EFHC2: variants seen among roughly 807,000 people sequenced by gnomAD.
EFHC2 encodes the protein EF-hand domain-containing family member C2.
A neutral mutation model predicts 52.7 loss-of-function variants in EFHC2; 18 were observed. The observed-to-expected ratio is 0.34, with a 90% CI of 0.24 to 0.51. The LOEUF is 0.51. EFHC2 is among the 20% of genes least tolerant of loss of function. The pLI, the probability that EFHC2 is intolerant of heterozygous loss-of-function variation, is 0.97. For missense variants in EFHC2, 513 were observed against 562.5 expected, an observed-to-expected ratio of 0.91 and a Z score of 0.89; for synonymous variants, 203 against 204.1, an observed-to-expected ratio of 0.99 and a Z score of 0.04.
At chrX:44,179,413 G>A (rs1203010447) in intron 11 of EFHC2, among the ~76,000 whole-genome samples, 1 of 111,898 alleles carries the variant, frequency 8.9e-6, no homozygotes, top group Non-Finnish European at 1.9e-5. Context: ...GAATAAACAA[G>A]GGAATAGAAA....
intron 10 of EFHC2, among the ~76,000 whole-genome samples, chrX:44,231,927 C>T (rs891120618): frequency 1.3e-4 from 15 of 111,554 alleles, no homozygotes; most frequent in African/African-American, 4.9e-4. Flanking sequence ...CAGTACCCAT[C>T]TGCCATCTTA....
chrX:44,308,825 G>A (rs2037924703), intron 2 of EFHC2, among the ~76,000 whole-genome samples: 1 of 112,767 alleles, frequency 8.9e-6, no homozygotes, highest in Non-Finnish European at 1.9e-5. Flanking sequence ...ATTGTGAATT[G>A]GCTCCCATTA....
chrX:44,266,917 A>G (rs2037582501), intron 3 of EFHC2, among the ~76,000 whole-genome samples: 1 of 111,450 alleles, frequency 9.0e-6, no homozygotes, highest in African/African-American at 3.3e-5. Flanking sequence ...GAGAAATACT[A>G]CCTTATTAAG....
chrX:44,220,644 A>G (rs1186001911), intron 11 of EFHC2, among the ~76,000 whole-genome samples: 1 of 111,937 alleles, frequency 8.9e-6, no homozygotes. Context: ...TTTTTCTGTT[A>G]TGCCTATGTG....
intron 11 of EFHC2, among the ~76,000 whole-genome samples, chrX:44,203,514 CATG>C (rs770876610): frequency 1.8e-5 from 2 of 111,193 alleles, no homozygotes; most frequent in East Asian, 5.7e-4. Context: ...TTGAGAGTGA[CATG>C]ATAAGAAAAT....
In EFHC2 at chrX:44,214,923, T is replaced by C. The variant is rs193290278; in HGVS notation, c.1751+14726A>G. On this transcript the variant is annotated intron_variant, in intron 11 of 14. Coordinates refer to ENST00000420999, the MANE Select transcript of EFHC2 (RefSeq NM_025184.4). ...TCTGAAACTGAACTTATGATGTGGT[T>C]TGGTTCTGTGTCCCCACCCAAATCT... Among the ~76,000 whole-genome samples the C allele has an allele frequency of 1.5e-4, 17 of 111,584 alleles. 1 individual carries two copies. Among genetic ancestry groups the C allele is most frequent in the Admixed American group, 1.5e-3 (16 of 10,570 alleles).
chrX:44,338,523 G>A (rs2038130769), intron 1 of EFHC2, among the ~76,000 whole-genome samples: 1 of 108,670 alleles, frequency 9.2e-6, no homozygotes, highest in Non-Finnish European at 1.9e-5. Context: ...AAAAAAAAAA[G>A]ATGGAGATGG....
At chrX:44,313,109 A>AAG (rs772813566) in intron 1 of EFHC2, among the ~76,000 whole-genome samples, 12,542 of 104,770 alleles carry the variant, frequency 0.12, 887 homozygotes, top group African/African-American at 0.18. Flanking sequence ...AAAAAAAAAA[A>AAG]AAAGAAAGAA....
rs2037534430 is a variant in EFHC2 at position 44,261,119 on chromosome X, G to A, written c.562C>T (p.Pro188Ser). The A allele has an allele frequency of 8.3e-7, 1 of 1,211,248 alleles. No homozygotes were observed. The highest frequency in any genetic ancestry group is 1.1e-6 in the Non-Finnish European group (1 of 895,186). Residue 188 changes from proline to serine, a missense_variant, in exon 4 of 15, where the codon CCA becomes TCA. Transcript: ENST00000420999. ...LRKIGVKVNP[P>S]VQCPEDPYMK... Reference sequence around the variant, plus strand: ...TAAGGATCTTCTGGACATTGCACTGGGGGATTCACTTTGACCCCTATTTTC... The same window carrying A: ...TAAGGATCTTCTGGACATTGCACTGAGGGATTCACTTTGACCCCTATTTTC...
chrX:44,184,839 T>C, intron 11 of EFHC2, among the ~76,000 whole-genome samples: 1 of 110,964 alleles, frequency 9.0e-6, no homozygotes, highest in Non-Finnish European at 1.9e-5. Flanking sequence ...GGTATATAAT[T>C]ACTTATTTTG....
chrX:44,230,784 A>G (rs760631878), intron 10 of EFHC2, among the ~76,000 whole-genome samples: 7 of 111,328 alleles, frequency 6.3e-5, no homozygotes, highest in African/African-American at 9.8e-5. Flanking sequence ...TCACCCTCTG[A>G]TTAGAAATAG....
At chrX:44,152,642 G>C (rs994138119) in intron 14 of EFHC2, among the ~76,000 whole-genome samples, 2 of 110,025 alleles carry the variant, frequency 1.8e-5, no homozygotes, top group African/African-American at 6.6e-5. Context: ...GGGGTGTTTT[G>C]TGCAACTCAT....
intron 2 of EFHC2, among the ~76,000 whole-genome samples, chrX:44,280,608 G>A (rs2037694784): frequency 8.9e-6 from 1 of 111,943 alleles, no homozygotes; most frequent in Non-Finnish European, 1.9e-5. Context: ...ATAAAATAAT[G>A]ACCTAGGCAA....
At chrX:44,244,758 G>A (rs1269553408) in intron 7 of EFHC2, among the ~76,000 whole-genome samples, 1 of 112,012 alleles carries the variant, frequency 8.9e-6, no homozygotes, top group Non-Finnish European at 1.9e-5. Context: ...TAGTAGCCTA[G>A]AGATGAATAC....
intron 1 of EFHC2, among the ~76,000 whole-genome samples, chrX:44,332,712 C>G (rs1229662288): frequency 9.0e-6 from 1 of 110,873 alleles, no homozygotes; most frequent in Non-Finnish European, 1.9e-5. Context: ...ATAGACAAAC[C>G]TGCTGCTTCC....
At chrX:44,160,586 G>A (rs1023015290) in intron 14 of EFHC2, among the ~76,000 whole-genome samples, 1 of 111,547 alleles carries the variant, frequency 9.0e-6, no homozygotes, top group Non-Finnish European at 1.9e-5. Flanking sequence ...TGTTTTCAGA[G>A]GCAAAATATG....
chrX:44,152,502 C>G (rs2147263133), intron 14 of EFHC2, among the ~76,000 whole-genome samples: 1 of 111,387 alleles, frequency 9.0e-6, no homozygotes, highest in African/African-American at 3.3e-5. Flanking sequence ...GAAAACAAGG[C>G]AGTTCTTGAA....
chrX:44,155,040 C>T (rs2147264574), intron 14 of EFHC2, among the ~76,000 whole-genome samples: 1 of 112,169 alleles, frequency 8.9e-6, no homozygotes, highest in African/African-American at 3.2e-5. Flanking sequence ...ACTCAAAAGA[C>T]AGCACCCAAA....
At chrX:44,175,772 A>C (rs991940275) in intron 13 of EFHC2, among the ~76,000 whole-genome samples, 1 of 111,739 alleles carries the variant, frequency 8.9e-6, no homozygotes, top group Non-Finnish European at 1.9e-5. Flanking sequence ...TAGGTGGCTG[A>C]GAGGGACATG....
Sources: allele counts gnomAD v4.1 joint callset (sites outside exome capture counted in the v4.1 genomes callset), GRCh38; gene constraint gnomAD v4.1.1; transcripts MANE v1.5; gene names NCBI Gene and HGNC (gene_info 2026-07-23, HGNC 2026-07-21).